The following UNC13B variants were observed in gnomAD, a reference collection of about 807,000 sequenced individuals.
The protein encoded by UNC13B is unc-13 homolog B.
UNC13B carries 144 observed loss-of-function variants against 211.0 expected under a neutral mutation model. The observed-to-expected ratio is 0.68, with a 90% CI of 0.60 to 0.78. The LOEUF (loss-of-function observed/expected upper bound fraction) is 0.78, where lower values mean the gene tolerates loss of function less well. UNC13B is among the 30% of genes least tolerant of loss of function. The pLI, the probability that UNC13B is intolerant of heterozygous loss-of-function variation, is 0.00. For missense variants in UNC13B, 1,777 were observed against 2,002.0 expected (o/e 0.89, Z 2.14); for synonymous variants, 709 against 725.8 (o/e 0.98, Z 0.37).
rs772898485 is a variant in UNC13B, at chr9:35,370,959, GA to G, written c.9540+564del. 3.9e-5 allele frequency among the ~76,000 whole-genome samples: 6 copies of G among 152,276 alleles called. No individual in the cohort carries two copies. In the South Asian group the frequency reaches 1.2e-3, roughly 32 times the overall value. ...CAGGGCCTCCATCCCATCCTCCCAG[GA>G]TGACCAGAAGCCCCATTCTGGGTCA... is the stretch of plus-strand genomic sequence containing the variant. On this transcript the variant is annotated intron_variant, in intron 13 of 39. Coordinates refer to ENST00000635942, the MANE Select transcript of UNC13B (RefSeq NM_001371189.2).
At chr9:35,323,594 A>G (rs1564136277) in intron 11 of UNC13B, among the ~76,000 whole-genome samples, 1 of 152,218 alleles carries the variant, frequency 6.6e-6, no homozygotes, top group Non-Finnish European at 1.5e-5. Context: ...TGTTCTCAAC[A>G]GACTGTTTTC....
intron 11 of UNC13B, among the ~76,000 whole-genome samples, chr9:35,317,132 A>G (rs2131890552): frequency 6.6e-6 from 1 of 152,322 alleles, no homozygotes; most frequent in East Asian, 1.9e-4. Context: ...AAAATTTTCC[A>G]TGGATAGGGC....
chr9:35,295,940 G>C lies in UNC13B; in HGVS notation c.761+10G>C, dbSNP rs940987924. 6.3e-7 allele frequency: 1 copy of C among 1,588,360 alleles called. No homozygotes were observed. Among genetic ancestry groups the C allele is most frequent in the African/African-American group, 1.3e-5 (1 of 74,534 alleles). ...AGCGGCGGGCTATCAGGTGGGTATT[G>C]AGCACAAAGTACTTTCTCTTCCTAA... On this transcript the variant is annotated intron_variant, in intron 8 of 39. Transcript: ENST00000635942.
chr9:35,279,851 AT>A (rs1162116422), intron 7 of UNC13B, among the ~76,000 whole-genome samples: 1 of 152,184 alleles, frequency 6.6e-6, no homozygotes, highest in Admixed American at 6.5e-5. Context: ...TTCCTACAAA[AT>A]TATATTGCAG....
Position 35,376,053 on chromosome 9 carries a change from T to C in UNC13B, c.9641T>C (p.Leu3214Pro). Residue 3214 changes from leucine to proline, a missense_variant, in exon 15 of 40, where the codon CTG (leucine) becomes CCG (proline). By Grantham distance (98) the Leu-to-Pro change is moderately conservative. Coordinates refer to ENST00000635942, the MANE Select transcript of UNC13B (RefSeq NM_001371189.2). Reference protein sequence around the residue: ...ELKSHVYKKTLQALIYPISCT... With the variant: ...ELKSHVYKKTPQALIYPISCT... ...AAATCCCACGTGTATAAGAAAACCC[T>C]GCAGGCCTTAATCTACCCCATTTCG... 1.2e-6 allele frequency: 2 copies of C among 1,614,218 alleles called. No individual in the cohort carries two copies. The highest frequency in any genetic ancestry group is 1.7e-6 in the Non-Finnish European group (2 of 1,180,040).
chr9:35,183,282 G>GCGGCCGGGCAGAGGCGCCCC lies in UNC13B; in HGVS notation c.22+20977_22+20978insCGGCCGGGCAGAGGCGCCCC, dbSNP rs1822077366. On this transcript the variant is annotated intron_variant, in intron 1 of 39. Coordinates refer to ENST00000635942, the MANE Select transcript of UNC13B (RefSeq NM_001371189.2). ...AGGAGCCCCTCACCTCCCAGGCGGGGTGGCCGGGCAGAGGCGCCCCTCACC... is the reference window on the plus strand; with the variant it reads ...AGGAGCCCCTCACCTCCCAGGCGGGGCGGCCGGGCAGAGGCGCCCCTGGCCGGGCAGAGGCGCCCCTCACC... Among the ~76,000 whole-genome samples, 10 of 132,760 alleles carry GCGGCCGGGCAGAGGCGCCCC rather than the reference G, an allele frequency of 7.5e-5. 2 individuals are homozygous for GCGGCCGGGCAGAGGCGCCCC. The highest frequency in any genetic ancestry group is 1.1e-4 in the Non-Finnish European group (7 of 61,522). 87.1% of individuals were successfully genotyped at this position (132,760 alleles called of 152,430 possible).
intron 1 of UNC13B, among the ~76,000 whole-genome samples, chr9:35,174,114 A>G (rs1345317873): frequency 6.6e-6 from 1 of 150,402 alleles, no homozygotes; most frequent in East Asian, 2.0e-4. Flanking sequence ...TAAGACAGGG[A>G]GCTGAAAGTC....
chr9:35,352,211 C>T (rs1236678465), intron 11 of UNC13B: 8 of 1,232,012 alleles, frequency 6.5e-6, no homozygotes, highest in African/African-American at 1.6e-5. Context: ...ACTTCCTGAA[C>T]AAGATGGAGA....
Position 35,317,528 on chromosome 9 carries a change from T to C in UNC13B, c.9414+3539T>C, listed in dbSNP as rs572426343. On this transcript the variant is annotated intron_variant, in intron 11 of 39. Transcript: ENST00000635942. ...ATCTGGCTAAAGAAGCTTTTTTTTT[T>C]TTTTTTTTTTTTAAGACAGAGCCTC... 7.4e-5 allele frequency among the ~76,000 whole-genome samples: 11 copies of C among 149,512 alleles called. No individual in the cohort carries two copies. The East Asian group carries it at 2.2e-3, about 29-fold the overall frequency.
At chr9:35,329,087 C>A (rs1187148497) in intron 11 of UNC13B, among the ~76,000 whole-genome samples, 1 of 151,990 alleles carries the variant, frequency 6.6e-6, no homozygotes, top group Non-Finnish European at 1.5e-5. Flanking sequence ...TGTCCCCTTT[C>A]TTCCCTTGCC....
chr9:35,201,992 G>A (rs939268684), intron 1 of UNC13B, among the ~76,000 whole-genome samples: 5 of 151,872 alleles, frequency 3.3e-5, no homozygotes, highest in South Asian at 2.1e-4. Context: ...ATAAATTTCC[G>A]TCTACACATT....
chr9:35,194,174 A>G (rs1822814821), intron 1 of UNC13B, among the ~76,000 whole-genome samples: 1 of 152,194 alleles, frequency 6.6e-6, no homozygotes, highest in African/African-American at 2.4e-5. Flanking sequence ...TGTTTCTAGA[A>G]AATCTCAAAG....
chr9:35,217,438 G>T (rs1824314517), intron 1 of UNC13B, among the ~76,000 whole-genome samples: 1 of 150,628 alleles, frequency 6.6e-6, no homozygotes, highest in Non-Finnish European at 1.5e-5. Flanking sequence ...ACCCAGGCTG[G>T]AGTGCAGTGG....
intron 11 of UNC13B, among the ~76,000 whole-genome samples, chr9:35,345,959 G>C (rs1482658407): frequency 1.3e-5 from 2 of 152,140 alleles, no homozygotes; most frequent in Non-Finnish European, 2.9e-5. Flanking sequence ...GCCTATAAAT[G>C]GGGCTGCTCT....
intron 1 of UNC13B, chr9:35,227,793 A>G (rs567605803): frequency 5.3e-5 from 23 of 430,040 alleles, no homozygotes; most frequent in East Asian, 4.5e-4. Flanking sequence ...GGAGCCTGGA[A>G]CAGAGATTTT....
intron 7 of UNC13B, among the ~76,000 whole-genome samples, chr9:35,293,067 T>G (rs1034228395): frequency 8.5e-5 from 13 of 152,346 alleles, no homozygotes; most frequent in African/African-American, 3.1e-4. Flanking sequence ...CTGGAGGTGA[T>G]TGCCTCTCAC....
intron 11 of UNC13B, among the ~76,000 whole-genome samples, chr9:35,317,393 G>T (rs1237121502): frequency 6.6e-6 from 1 of 151,824 alleles, no homozygotes; most frequent in Non-Finnish European, 1.5e-5. Context: ...TGTAGAGATG[G>T]AATTTCACTG....
rs61218437 is a variant in UNC13B at position 35,275,902 on chromosome 9, A to G, written c.526+16852A>G. ...ACTGTGCCCGGCCTGAATTGGTTTT[A>G]GAGTACCAAATACTACAATAAAATG... On this transcript the variant is annotated intron_variant, in intron 7 of 39. Transcript: ENST00000635942. Among the ~76,000 whole-genome samples, 1,062 of 152,234 alleles carry G rather than the reference A, an allele frequency of 7.0e-3. 10 individuals are homozygous for G. The highest frequency in any genetic ancestry group is 0.024 in the African/African-American group (987 of 41,544).
intron 1 of UNC13B, among the ~76,000 whole-genome samples, chr9:35,223,787 GTTTTGGGTCTTATATTTAACTCTTGAA>G: frequency 6.6e-6 from 1 of 152,212 alleles, no homozygotes; most frequent in South Asian, 2.1e-4. Context: ...TAGTTTTAAA[GTTTTGGGTCTTATATTTAACTCTTGAA>G]TTCATTTTGA....
Sources: allele counts gnomAD v4.1 joint callset (sites outside exome capture counted in the v4.1 genomes callset), GRCh38; gene constraint gnomAD v4.1.1; transcripts MANE v1.5; gene names NCBI Gene and HGNC (gene_info 2026-07-23, HGNC 2026-07-21).